The following AIFM2 variants were observed in gnomAD, a reference collection of about 807,000 sequenced individuals.
The protein encoded by AIFM2 is AIF family member 2, ferroptosis suppressor, also known as ferroptosis suppressor protein 1.
A neutral mutation model predicts 35.7 loss-of-function variants in AIFM2; 38 were observed. The observed-to-expected ratio is 1.06, with a 90% CI of 0.82 to 1.39. The LOEUF (loss-of-function observed/expected upper bound fraction) is 1.39, where lower values mean the gene tolerates loss of function less well. Among genes scored for constraint, AIFM2 ranks in the 40% most tolerant of loss-of-function variants. The probability of loss-of-function intolerance (pLI) is 0.00; values close to 1 mark genes in which losing one functional copy is unlikely to be tolerated. For synonymous variants in AIFM2, 185 were observed against 203.5 expected (o/e 0.91, Z 0.77); for missense variants, 476 against 491.2 (o/e 0.97, Z 0.29).
intron 5 of AIFM2, among the ~76,000 whole-genome samples, chr10:70,119,621 T>C (rs1405120777): frequency 6.6e-6 from 1 of 152,192 alleles, no homozygotes; most frequent in Non-Finnish European, 1.5e-5. Flanking sequence ...TGTAACTAGA[T>C]CAATCACTCA....
At chr10:70,124,161 C>A in intron 1 of AIFM2, 64 bp from the exon 2 acceptor site, 1 of 1,273,260 alleles carries the variant, frequency 7.9e-7, no homozygotes, top group Non-Finnish European at 1.0e-6. Flanking sequence ...GGAGGACCCA[C>A]AGTGAGAGAG....
At chr10:70,126,234 G>T (rs1284350398) in intron 1 of AIFM2, among the ~76,000 whole-genome samples, 1 of 152,234 alleles carries the variant, frequency 6.6e-6, no homozygotes, top group African/African-American at 2.4e-5. Flanking sequence ...CCTGTGCTGA[G>T]CCCTAAAGAG....
chr10:70,119,480 AC>A (rs1283853239), intron 5 of AIFM2, among the ~76,000 whole-genome samples: 2 of 152,138 alleles, frequency 1.3e-5, no homozygotes, highest in Non-Finnish European at 2.9e-5. Context: ...ACCGTAGGAC[AC>A]CCAGCTGGTG....
At chr10:70,123,627 G>A in intron 2 of AIFM2, 107 bp from the exon 3 acceptor site, 1 of 1,052,954 alleles carries the variant, frequency 9.5e-7, no homozygotes, top group East Asian at 2.4e-5. Context: ...GGGTGCCCTT[G>A]ACCAAAGCGT....
intron 1 of AIFM2, among the ~76,000 whole-genome samples, chr10:70,129,133 T>C (rs944880832): frequency 1.7e-4 from 26 of 151,366 alleles, no homozygotes; most frequent in Non-Finnish European, 3.5e-4. Flanking sequence ...CTAATTTTTT[T>C]TTTTTTTTTT....
At chr10:70,123,851 C>A (rs533984889) in intron 2 of AIFM2, 56 bp downstream of exon 2, 2 of 1,478,032 alleles carry the variant, frequency 1.4e-6, no homozygotes, top group East Asian at 4.8e-5. Context: ...AAATCAAGCC[C>A]CAGAGCAGAG....
intron 1 of AIFM2, among the ~76,000 whole-genome samples, chr10:70,132,206 G>A (rs900067391): frequency 2.0e-5 from 3 of 152,166 alleles, no homozygotes; most frequent in Admixed American, 6.6e-5. Flanking sequence ...CCAGGGCTTC[G>A]GGAAGGGAGA....
chr10:70,120,809 C>A (rs918089643), intron 4 of AIFM2, among the ~76,000 whole-genome samples: 4 of 152,066 alleles, frequency 2.6e-5, no homozygotes, highest in Non-Finnish European at 5.9e-5. Context: ...AAAACAGAGC[C>A]TTATGAAAAC....
In AIFM2 at chr10:70,114,033, A is replaced by T; in HGVS notation, c.*145T>A. 9.2e-7 allele frequency: 1 copy of T among 1,086,444 alleles called. No individual in the cohort carries two copies. Among genetic ancestry groups the T allele is most frequent in the Non-Finnish European group, 1.3e-6 (1 of 781,858 alleles). 67.3% of individuals were successfully genotyped at this position (1,086,444 alleles called of 1,614,324 possible). The stretch of plus-strand genomic sequence containing the variant: ...CCTCTCTCTCTCCCATTTTTGTTTT[A>T]TACAAGTTGCATTTCTAGCCACCAC... On this transcript the variant is annotated 3_prime_UTR_variant, in exon 9 of 9. Coordinates refer to ENST00000307864, the MANE Select transcript of AIFM2 (RefSeq NM_032797.6).
chr10:70,120,467 C>T (rs763667758), intron 5 of AIFM2, 40 bp downstream of exon 5: 2 of 1,607,372 alleles, frequency 1.2e-6, no homozygotes, highest in East Asian at 2.2e-5. Flanking sequence ...CAGAAAAAAG[C>T]CAACCACTTA....
chr10:70,123,261 C>A, intron 3 of AIFM2, 144 bp downstream of exon 3: 1 of 619,472 alleles, frequency 1.6e-6, no homozygotes. Flanking sequence ...TCAGGTGATC[C>A]GCCCGCCTTG....
At chr10:70,114,724 T>C in intron 8 of AIFM2, 196 bp downstream of exon 8, 1 of 656,846 alleles carries the variant, frequency 1.5e-6, no homozygotes, top group Non-Finnish European at 2.5e-6. Context: ...TCTGCCCGCC[T>C]CGGCCTCCCA....
At chr10:70,123,872 C>A in intron 2 of AIFM2, 35 bp downstream of exon 2, 1 of 1,499,468 alleles carries the variant, frequency 6.7e-7, no homozygotes, top group Non-Finnish European at 8.9e-7. Flanking sequence ...ACAAGACCCC[C>A]CTCACAGAGA....
chr10:70,122,573 A>G (rs1381812624), intron 3 of AIFM2, among the ~76,000 whole-genome samples: 4 of 152,214 alleles, frequency 2.6e-5, no homozygotes, highest in Admixed American at 6.5e-5. Context: ...GTGGGGGAAC[A>G]CACAAATGAG....
chr10:70,114,816 G>A, intron 8 of AIFM2, 104 bp downstream of exon 8: 1 of 1,340,510 alleles, frequency 7.5e-7, no homozygotes, highest in Non-Finnish European at 1.0e-6. Flanking sequence ...TCACCAGCTT[G>A]GAGAGTTTGT....
chr10:70,126,589 C>T (rs1387099597), intron 1 of AIFM2, among the ~76,000 whole-genome samples: 2 of 152,296 alleles, frequency 1.3e-5, no homozygotes, highest in East Asian at 3.9e-4. Context: ...CTATAAGGCC[C>T]AACCAGCTAT....
rs946001135 is a variant in AIFM2 at position 70,121,695 on chromosome 10, C to A, written c.295-484G>T. On this transcript the variant is annotated intron_variant, in intron 3 of 8. Coordinates refer to ENST00000307864, the MANE Select transcript of AIFM2 (RefSeq NM_032797.6). ...ACTGCACTGAGCAACATACCAAGAC[C>A]CCATATTAATTTAATTTTTAAATTA... Among the ~76,000 whole-genome samples the A allele has an allele frequency of 2.1e-5, 3 of 142,370 alleles. No individual in the cohort carries two copies. The East Asian group carries it at 5.8e-4, about 28-fold the overall frequency. The allele number at this position is 142,370 out of a possible 152,430, so 93.4% of individuals were successfully genotyped here.
intron 5 of AIFM2, among the ~76,000 whole-genome samples, 182 bp downstream of exon 5, chr10:70,120,325 C>T (rs1190702945): frequency 6.6e-6 from 1 of 152,198 alleles, no homozygotes; most frequent in Non-Finnish European, 1.5e-5. Flanking sequence ...GCAGCAGGAT[C>T]CCAGCTCTGC....
At position 70,120,425 on chromosome 10, in the gene AIFM2, C is replaced by G. The variant is rs2072486673; in HGVS notation, c.507+82G>C. On this transcript the variant is annotated intron_variant, in intron 5 of 8. Transcript: ENST00000307864. ...GAATAGAGCTCCAGACTTCTCTGCCCTGAGCAAATTCCTGATGTTCCTAAG... is the reference window on the plus strand; with the variant it reads ...GAATAGAGCTCCAGACTTCTCTGCCGTGAGCAAATTCCTGATGTTCCTAAG... 2.1e-6 allele frequency: 3 copies of G among 1,415,928 alleles called. No individual in the cohort carries two copies. The African/African-American group carries it at 4.2e-5, about 20-fold the overall frequency. 87.7% of individuals were successfully genotyped at this position (1,415,928 alleles called of 1,614,324 possible). A position where few individuals can be genotyped will look rare whatever the true frequency, so the allele number is the denominator to read the frequency against.
Sources: gnomAD v4.1 joint callset for allele counts (sites outside exome capture counted in the v4.1 genomes callset) on GRCh38, gnomAD v4.1.1 for gene constraint, MANE v1.5 for transcripts, NCBI Gene and HGNC (gene_info 2026-07-23, HGNC 2026-07-21) for gene names.